The following RUNX3 variants were observed in gnomAD, a reference collection of about 807,000 sequenced individuals.
The protein encoded by RUNX3 is runt-related transcription factor 3.
In RUNX3, 10 loss-of-function variants were observed where a neutral mutation model predicts 27.7. The observed-to-expected ratio is 0.36, with a 90% confidence interval of 0.22 to 0.61. The LOEUF (loss-of-function observed/expected upper bound fraction) is 0.61, where lower values mean the gene tolerates loss of function less well. RUNX3 is among the 20% of genes least tolerant of loss of function. The probability of loss-of-function intolerance (pLI) is 0.72; values close to 1 mark genes in which losing one functional copy is unlikely to be tolerated. For synonymous variants in RUNX3, 270 were observed against 269.2 expected (o/e 1.00, Z -0.03); for missense variants, 469 against 629.5 (o/e 0.75, Z 2.73).
intron 2 of RUNX3, among the ~76,000 whole-genome samples, chr1:24,960,675 G>T (rs1025654251): frequency 1.3e-5 from 2 of 152,090 alleles, no homozygotes; most frequent in African/African-American, 2.4e-5. Context: ...TGTGAGGGGG[G>T]GGTGCCCCAG....
intron 3 of RUNX3, among the ~76,000 whole-genome samples, chr1:24,914,395 G>A (rs898316128): frequency 6.6e-6 from 1 of 152,200 alleles, no homozygotes; most frequent in Non-Finnish European, 1.5e-5. Context: ...CCGGCTCTGC[G>A]GCCTGTCAGG....
rs568949089 is a variant in RUNX3 at position 24,937,440 on chromosome 1, C to G, written c.59-7588G>C. ...TCCTGGCCCCTGCCATGTACCCAAT[C>G]CCGGGGAGTAGGGTTTCTTGAGTGC... On this transcript the variant is annotated intron_variant, in intron 2 of 6. Coordinates refer to the RUNX3 transcript ENST00000338888. Among the ~76,000 whole-genome samples the G allele has an allele frequency of 2.0e-5, 3 of 152,250 alleles. No individual in the cohort carries two copies. In the South Asian group the frequency reaches 6.2e-4, roughly 31 times the overall value.
In RUNX3 at chr1:24,962,111, A is replaced by G. The variant is rs1642129462; in HGVS notation, c.58+2403T>C. 6.6e-6 allele frequency: 1 copy of G among 152,170 alleles called. No individual in the cohort carries two copies. The highest frequency in any genetic ancestry group is 1.5e-5 in the Non-Finnish European group (1 of 68,014). 9.4% of individuals were successfully genotyped at this position (152,170 alleles called of 1,614,324 possible). A position where few individuals can be genotyped will look rare whatever the true frequency, so the allele number is the denominator to read the frequency against. On this transcript the variant is annotated intron_variant, in intron 2 of 6. Transcript: ENST00000338888. This position sits in a 1 kb window ranked among gnomAD's most constrained non-coding sequence, Gnocchi z 4.5. ...GTGGAAATCACAGGTGTTCTCTGGTATCACAGCGGGGTCAGGGATGACCTG... is the reference window on the plus strand; with the variant it reads ...GTGGAAATCACAGGTGTTCTCTGGTGTCACAGCGGGGTCAGGGATGACCTG...
rs1259775289 is a variant in RUNX3 at position 24,948,686 on chromosome 1, A to G, written c.58+15828T>C. Among the ~76,000 whole-genome samples, 80 of 125,922 alleles carry G rather than the reference A, an allele frequency of 6.4e-4. 2 individuals are homozygous for G. The highest frequency in any genetic ancestry group is 4.9e-5 in the Non-Finnish European group (3 of 61,338). The allele number at this position is 125,922 out of a possible 152,430, so 82.6% of individuals were successfully genotyped here. ...CATGTGGGGGGTGCGTGCAAGACAG[A>G]GGTGCATGGGAGAGAAGGGTTTGTA... On this transcript the variant is annotated intron_variant, in intron 2 of 6. Coordinates refer to the RUNX3 transcript ENST00000338888.
At chr1:24,935,424 G>A (rs569260747) in intron 2 of RUNX3, among the ~76,000 whole-genome samples, 79 of 152,140 alleles carry the variant, frequency 5.2e-4, no homozygotes, top group Non-Finnish European at 8.7e-4. Flanking sequence ...GCTCCCTTGC[G>A]TCCACATGAC....
Position 24,943,668 on chromosome 1 carries a change from T to A in RUNX3, c.59-13816A>T, listed in dbSNP as rs1368826078. Among the ~76,000 whole-genome samples the A allele has an allele frequency of 6.6e-6, 1 of 152,150 alleles. No individual in the cohort carries two copies. The highest frequency in any genetic ancestry group is 1.5e-5 in the Non-Finnish European group (1 of 68,026). On this transcript the variant is annotated intron_variant, in intron 2 of 6. Coordinates refer to the RUNX3 transcript ENST00000338888. The surrounding 1 kb of genome is among the most constrained non-coding windows in gnomAD (Gnocchi z 4.6). ...CGGAAAAACAGGTCTGGAGAGGGGA[T>A]GTGACGTGCTGGGGCCCAGGGGAGT...
intron 4 of RUNX3, among the ~76,000 whole-genome samples, chr1:24,903,146 G>C (rs1640599643): frequency 6.6e-6 from 1 of 152,226 alleles, no homozygotes; most frequent in Non-Finnish European, 1.5e-5. Flanking sequence ...ACCCGCTTTT[G>C]AAGACAAGAA....
At chr1:24,912,107 AG>A (rs1640807741) in intron 3 of RUNX3, among the ~76,000 whole-genome samples, 1 of 152,346 alleles carries the variant, frequency 6.6e-6, no homozygotes, top group Admixed American at 6.5e-5. Context: ...GATGGTCTTC[AG>A]AAAAAGCCTC....
intron 2 of RUNX3, among the ~76,000 whole-genome samples, chr1:24,954,526 G>A (rs536684355): frequency 6.6e-6 from 1 of 152,200 alleles, no homozygotes; most frequent in Non-Finnish European, 1.5e-5. Context: ...TTGGTTTCGT[G>A]TTCTGTGGTC....
intron 2 of RUNX3, among the ~76,000 whole-genome samples, chr1:24,921,104 G>A (rs1640991724): frequency 6.6e-6 from 1 of 152,162 alleles, no homozygotes; most frequent in African/African-American, 2.4e-5. Context: ...AAGGAGAGAG[G>A]CTGCCCAAGC....
intron 2 of RUNX3, among the ~76,000 whole-genome samples, chr1:24,949,439 A>G (rs1344211862): frequency 2.0e-5 from 3 of 152,172 alleles, no homozygotes; most frequent in Non-Finnish European, 4.4e-5. Context: ...CCTGTGACTC[A>G]GACCCTGCCC....
chr1:24,925,867 C>A lies in RUNX3; in HGVS notation c.439+1707G>T, dbSNP rs147060596. Among the ~76,000 whole-genome samples the A allele has an allele frequency of 3.3e-5, 5 of 152,292 alleles. No homozygotes were observed. In the East Asian group the frequency reaches 9.6e-4, roughly 29 times the overall value. On this transcript the variant is annotated intron_variant, in intron 2 of 4. Transcript: ENST00000308873. ...GCTACAAGGACAAGCTCCCAACCAA[C>A]GCCTTGGAAACCCATTTCCCTCCCT...
intron 1 of RUNX3, among the ~76,000 whole-genome samples, chr1:24,928,483 G>C (rs1260803609): frequency 6.6e-6 from 1 of 152,150 alleles, no homozygotes; most frequent in East Asian, 1.9e-4. Context: ...ACTTTAAACA[G>C]AGTCACAACT....
chr1:24,936,056 A>G (rs970987779), intron 2 of RUNX3, among the ~76,000 whole-genome samples: 6 of 152,216 alleles, frequency 3.9e-5, no homozygotes, highest in Admixed American at 2.0e-4. Context: ...CAGCAGAGCC[A>G]TCAAACACGG....
At chr1:24,942,433 CAGAT>C (rs1641500783) in intron 2 of RUNX3, among the ~76,000 whole-genome samples, 1 of 152,104 alleles carries the variant, frequency 6.6e-6, no homozygotes, top group Admixed American at 6.5e-5. Context: ...CTCAAGAAAA[CAGAT>C]GGGGGTAAAG....
At chr1:24,937,711 A>AG (rs1338045148) in intron 2 of RUNX3, among the ~76,000 whole-genome samples, 1 of 152,236 alleles carries the variant, frequency 6.6e-6, no homozygotes, top group African/African-American at 2.4e-5. Context: ...AGATAACAGA[A>AG]GGCATAACTG....
chr1:24,908,234 GAC>G (rs1640720729), intron 3 of RUNX3, among the ~76,000 whole-genome samples: 1 of 138,782 alleles, frequency 7.2e-6, no homozygotes, highest in Non-Finnish European at 1.5e-5. Context: ...GAACCTCTAT[GAC>G]ACGCGGTGAT....
At chr1:24,903,360 C>T (rs1268622756) in intron 4 of RUNX3, among the ~76,000 whole-genome samples, 6 of 152,168 alleles carry the variant, frequency 3.9e-5, no homozygotes, top group African/African-American at 1.4e-4. Context: ...TCTCTGGAGC[C>T]GACTCGTGGC....
chr1:24,949,209 G>C (rs1178822809), intron 2 of RUNX3, among the ~76,000 whole-genome samples: 2 of 151,976 alleles, frequency 1.3e-5, no homozygotes, highest in Non-Finnish European at 2.9e-5. Context: ...CTGAGAGGGA[G>C]GTACTGTTAT....
Sources: allele counts gnomAD v4.1 joint callset (sites outside exome capture counted in the v4.1 genomes callset), GRCh38; gene constraint gnomAD v4.1.1; non-coding constraint Gnocchi (gnomAD v3.1); transcripts MANE v1.5; gene names NCBI Gene and HGNC (gene_info 2026-07-23, HGNC 2026-07-21).